Variants in XPR1 observed in about 807,000 individuals in gnomAD.
XPR1 encodes the protein xenotropic and polytropic retrovirus receptor 1.
XPR1 carries 28 observed loss-of-function variants against 87.5 expected under a neutral mutation model. That is an observed-to-expected ratio of 0.32 (90% confidence interval 0.24 to 0.44). The LOEUF (loss-of-function observed/expected upper bound fraction) is 0.44, where lower values mean the gene tolerates loss of function less well. XPR1 is among the 20% of genes least tolerant of loss of function. The pLI is 1.00. For missense variants in XPR1, 559 were observed against 862.3 expected, an observed-to-expected ratio of 0.65 and a Z score of 4.41; for synonymous variants, 300 against 306.1, an observed-to-expected ratio of 0.98 and a Z score of 0.21.
chr1:180,841,088 G>T (rs1019139137), intron 11 of XPR1, among the ~76,000 whole-genome samples: 5 of 152,006 alleles, frequency 3.3e-5, no homozygotes, highest in South Asian at 2.1e-4. Flanking sequence ...GCTTAAAATG[G>T]TAAATTTTGT....
At chr1:180,836,281 C>T (rs949286192) in intron 10 of XPR1, among the ~76,000 whole-genome samples, 4 of 151,640 alleles carry the variant, frequency 2.6e-5, no homozygotes, top group African/African-American at 9.7e-5. Flanking sequence ...TCCCTGGAAC[C>T]GGGAGGCAGA....
chr1:180,725,031 A>C (rs1278682383), intron 2 of XPR1, among the ~76,000 whole-genome samples: 1 of 152,204 alleles, frequency 6.6e-6, no homozygotes, highest in Non-Finnish European at 1.5e-5. Flanking sequence ...CCTTAACTTT[A>C]TTCATGGTTA....
chr1:180,745,318 A>G (rs1298368254), intron 2 of XPR1, among the ~76,000 whole-genome samples: 2 of 152,156 alleles, frequency 1.3e-5, no homozygotes, highest in Non-Finnish European at 2.9e-5. Flanking sequence ...GCAGTGGAAC[A>G]GGAGGGAGGG....
At chr1:180,696,194 GTGTGTGTGTGTGTGTATATA>G (rs1657162731) in intron 2 of XPR1, among the ~76,000 whole-genome samples, 1 of 112,864 alleles carries the variant, frequency 8.9e-6, no homozygotes, top group Non-Finnish European at 1.7e-5. Flanking sequence ...GTGTGTGTGT[GTGTGTGTGTGTGTGTATATA>G]TATATATATA....
chr1:180,696,148 C>T lies in XPR1; in HGVS notation c.121+13737C>T, dbSNP rs1170546278. Among the ~76,000 whole-genome samples, 12 of 135,634 alleles carry T rather than the reference C, an allele frequency of 8.8e-5. 1 individual carries two copies. Among genetic ancestry groups the T allele is most frequent in the African/African-American group, 1.6e-4 (6 of 36,424 alleles). The allele number at this position is 135,634 out of a possible 152,430, so 89.0% of individuals were successfully genotyped here. On this transcript the variant is annotated intron_variant, in intron 2 of 14. Transcript: ENST00000367590. ...CATCGTAGAGGCCTTTTGCCTCCTT[C>T]GTTAAATTTATTCCTGGGTGTGTGT...
chr1:180,779,296 C>T (rs1648848014), intron 2 of XPR1, among the ~76,000 whole-genome samples: 1 of 152,070 alleles, frequency 6.6e-6, no homozygotes, highest in Non-Finnish European at 1.5e-5. Flanking sequence ...CTTTCTGTCT[C>T]AGTCACTAGA....
intron 1 of XPR1, among the ~76,000 whole-genome samples, chr1:180,643,783 A>G (rs919243641): frequency 6.6e-6 from 1 of 152,100 alleles, no homozygotes; most frequent in African/African-American, 2.4e-5. Flanking sequence ...GTTGAAGAAG[A>G]AGAGTGGATT....
chr1:180,734,644 T>C (rs1658668513), intron 2 of XPR1, among the ~76,000 whole-genome samples: 1 of 152,208 alleles, frequency 6.6e-6, no homozygotes, highest in African/African-American at 2.4e-5. Context: ...CAATTTCACA[T>C]GTGGGACAGC....
chr1:180,760,273 G>T (rs950857701), intron 2 of XPR1, among the ~76,000 whole-genome samples: 4 of 152,124 alleles, frequency 2.6e-5, no homozygotes, highest in Non-Finnish European at 2.9e-5. Context: ...GGGCAAACAG[G>T]CAGGAGAAGG....
intron 2 of XPR1, among the ~76,000 whole-genome samples, chr1:180,708,162 C>G (rs1209387964): frequency 1.3e-5 from 2 of 152,180 alleles, no homozygotes; most frequent in African/African-American, 4.8e-5. Flanking sequence ...AATTGAACAT[C>G]TATTACAAAT....
intron 11 of XPR1, among the ~76,000 whole-genome samples, chr1:180,837,607 G>A (rs1217213549): frequency 6.6e-6 from 1 of 152,124 alleles, no homozygotes; most frequent in Non-Finnish European, 1.5e-5. Flanking sequence ...TGATGCAGCA[G>A]ATGATATTTA....
At chr1:180,848,288 C>CT (rs1270094645) in intron 11 of XPR1, among the ~76,000 whole-genome samples, 1 of 152,068 alleles carries the variant, frequency 6.6e-6, no homozygotes, top group Non-Finnish European at 1.5e-5. Context: ...ATTTTGAATC[C>CT]TTTAACAAAT....
At chr1:180,776,745 C>T (rs1480446390) in intron 2 of XPR1, among the ~76,000 whole-genome samples, 1 of 151,894 alleles carries the variant, frequency 6.6e-6, no homozygotes, top group Admixed American at 6.6e-5. Context: ...TTGTTCTTTA[C>T]CTAGCAGACA....
chr1:180,837,796 T>TA (rs1651354731), intron 11 of XPR1, among the ~76,000 whole-genome samples: 1 of 152,182 alleles, frequency 6.6e-6, no homozygotes, highest in South Asian at 2.1e-4. Context: ...ATGCTGTTGT[T>TA]AAGTCCAGGC....
At chr1:180,659,362 TCCTTCCG>T (rs1655672431) in intron 1 of XPR1, among the ~76,000 whole-genome samples, 2 of 113,146 alleles carry the variant, frequency 1.8e-5, no homozygotes, top group Non-Finnish European at 3.9e-5. Flanking sequence ...CGTCCTTCCG[TCCTTCCG>T]TCCGTCCTTC....
In XPR1 at chr1:180,836,558, G is replaced by T; in HGVS notation, c.1343G>T (p.Arg448Leu). Reference sequence around the variant, plus strand: ...TGCCACAAATATACATATGGTGTGCGGGCCATTGTTCAGTGCATTCCTGCT... The same window carrying T: ...TGCCACAAATATACATATGGTGTGCTGGCCATTGTTCAGTGCATTCCTGCT... ...GICHKYTYGV[R>L]AIVQCIPAWL... is the part of the protein sequence containing the mutation. The change falls in exon 11 of 15, where the codon CGG becomes CTG. Residue 448 changes from arginine (R) to leucine (L), a missense_variant. Physicochemically the swap from Arg to Leu is moderately radical, Grantham distance 102 (BLOSUM62 -2). Transcript: ENST00000367590. 6.2e-7 allele frequency: 1 copy of T among 1,614,014 alleles called. No homozygotes were observed. Among genetic ancestry groups the T allele is most frequent in the Non-Finnish European group, 8.5e-7 (1 of 1,180,012 alleles).
intron 12 of XPR1, among the ~76,000 whole-genome samples, chr1:180,864,979 T>G (rs1262219638): frequency 6.6e-6 from 1 of 151,092 alleles, no homozygotes; most frequent in Non-Finnish European, 1.5e-5. Context: ...AAGTGTAGAT[T>G]AGGTCACTAA....
In XPR1 at chr1:180,632,086, G is replaced by T; in HGVS notation, c.-116G>T. ...AGAGACCTCGGCGGCGGCGGAGGAG[G>T]AGAGAAGCGCAGCGCCGCGCCGCGC... is the stretch of plus-strand genomic sequence containing the variant. On this transcript the variant is annotated 5_prime_UTR_variant, in exon 1 of 15. Transcript: ENST00000367590. The T allele has an allele frequency of 7.9e-7, 1 of 1,272,924 alleles. No homozygotes were observed. Among genetic ancestry groups the T allele is most frequent in the Non-Finnish European group, 1.1e-6 (1 of 895,430 alleles). 78.9% of individuals were successfully genotyped at this position (1,272,924 alleles called of 1,614,324 possible).
At chr1:180,873,681 C>G in intron 12 of XPR1, 122 bp from the exon 13 acceptor site, 1 of 1,077,142 alleles carries the variant, frequency 9.3e-7, no homozygotes. Context: ...CAACTTTCCT[C>G]TTGAGCCTGT....
Sources: gnomAD v4.1 joint callset for allele counts (sites outside exome capture counted in the v4.1 genomes callset) on GRCh38, gnomAD v4.1.1 for gene constraint, MANE v1.5 for transcripts, NCBI Gene and HGNC (gene_info 2026-07-23, HGNC 2026-07-21) for gene names.